FBXW7: variants seen among roughly 807,000 people sequenced by gnomAD.
FBXW7 encodes F-box and WD repeat domain containing 7.
A neutral mutation model predicts 86.3 loss-of-function variants in FBXW7; 11 were observed. The observed-to-expected ratio is 0.13, with a 90% CI of 0.08 to 0.21. FBXW7 has a LOEUF of 0.21. FBXW7 is among the 10% of genes least tolerant of loss of function. The probability of loss-of-function intolerance (pLI) is 1.00; values close to 1 mark genes in which losing one functional copy is unlikely to be tolerated. For missense variants in FBXW7, 488 were observed against 847.4 expected (o/e 0.58, Z 5.27); for synonymous variants, 313 against 297.9 (o/e 1.05, Z -0.52).
intron 2 of FBXW7, among the ~76,000 whole-genome samples, chr4:152,476,368 T>C (rs1174054526): frequency 2.0e-5 from 3 of 152,042 alleles, no homozygotes; most frequent in Non-Finnish European, 4.4e-5. Context: ...AGACACAAAA[T>C]AATAAAACAT....
chr4:152,382,257 G>A (rs765224071), intron 4 of FBXW7: 4 of 1,606,118 alleles, frequency 2.5e-6, no homozygotes, highest in Admixed American at 3.4e-5. Context: ...ACAGTTTGAT[G>A]TGGTAGAGGC....
intron 2 of FBXW7, among the ~76,000 whole-genome samples, chr4:152,447,359 T>G (rs545084158): frequency 1.3e-5 from 2 of 152,310 alleles, no homozygotes; most frequent in Admixed American, 6.5e-5. Context: ...TATAAAACAC[T>G]TTACATGAGG....
chr4:152,332,594 A>ACCCT lies in FBXW7; in HGVS notation c.983_985+1dup. 6.3e-7 allele frequency: 1 copy of ACCCT among 1,577,502 alleles called. No homozygotes were observed. The highest frequency in any genetic ancestry group is 8.6e-7 in the Non-Finnish European group (1 of 1,156,524). On this transcript the variant is annotated splice_donor_variant, in intron 8 of 13. Coordinates refer to ENST00000281708, the MANE Select transcript of FBXW7 (RefSeq NM_001349798.2). LOFTEE classifies it high-confidence loss of function. ...TATTCTCTATGCAATTTTGAACCTTACCCTCTTCTTTGCATTTCTCTCTCC... is the reference window on the plus strand; with the variant it reads ...TATTCTCTATGCAATTTTGAACCTTACCCTCCCTCTTCTTTGCATTTCTCTCTCC...
chr4:152,341,695 G>C (rs1423596490), intron 6 of FBXW7, among the ~76,000 whole-genome samples: 1 of 152,100 alleles, frequency 6.6e-6, no homozygotes, highest in Non-Finnish European at 1.5e-5. Flanking sequence ...ACTAGGACTT[G>C]CTTGCTTATT....
chr4:152,386,690 A>C (rs999660714), intron 4 of FBXW7, among the ~76,000 whole-genome samples: 1 of 152,156 alleles, frequency 6.6e-6, no homozygotes, highest in Non-Finnish European at 1.5e-5. Context: ...TTGGCATTTT[A>C]AGATTCCAGA....
At chr4:152,326,335 T>A in intron 11 of FBXW7, 104 bp from the exon 12 acceptor site, 18 of 142,512 alleles carry the variant, frequency 1.3e-4, no homozygotes, top group Non-Finnish European at 2.1e-4. Context: ...GTTTTTTAGC[T>A]TTTTTTTTTT....
chr4:152,449,595 A>G (rs1407422226), intron 2 of FBXW7, among the ~76,000 whole-genome samples: 4 of 152,214 alleles, frequency 2.6e-5, no homozygotes, highest in East Asian at 1.9e-4. Context: ...ACTGACCACA[A>G]GTAAAAAGCC....
At chr4:152,530,804 C>A (rs1462572308) in intron 2 of FBXW7, 3 of 152,238 alleles carry the variant, frequency 2.0e-5, no homozygotes, top group African/African-American at 7.2e-5. Flanking sequence ...CCAATTGGAG[C>A]ACGGCAACAT....
intron 2 of FBXW7, among the ~76,000 whole-genome samples, chr4:152,484,961 C>CAAA (rs369258930): frequency 0.014 from 1,438 of 102,868 alleles, 20 homozygotes; most frequent in Middle Eastern, 0.038. Context: ...GACTCTGTCT[C>CAAA]AAAAAAAAAA....
chr4:152,366,999 C>A (rs776952308), intron 4 of FBXW7, among the ~76,000 whole-genome samples: 4 of 152,044 alleles, frequency 2.6e-5, no homozygotes, highest in Non-Finnish European at 4.4e-5. Context: ...AGATGGAAAC[C>A]ATCACTCTGA....
chr4:152,345,620 A>C (rs974353715), intron 6 of FBXW7, among the ~76,000 whole-genome samples: 32 of 152,240 alleles, frequency 2.1e-4, no homozygotes, highest in Non-Finnish European at 4.1e-4. Context: ...GGGAAAAACT[A>C]ATCCCTGTTG....
chr4:152,437,021 C>A (rs974194840), intron 2 of FBXW7, among the ~76,000 whole-genome samples: 2 of 152,210 alleles, frequency 1.3e-5, no homozygotes, highest in African/African-American at 4.8e-5. Flanking sequence ...GTCATTTCTA[C>A]TTTCCAGTCT....
At chr4:152,414,461 C>A (rs980944833) in intron 2 of FBXW7, among the ~76,000 whole-genome samples, 1 of 152,100 alleles carries the variant, frequency 6.6e-6, no homozygotes, top group African/African-American at 2.4e-5. Context: ...TTGTGATACT[C>A]TGCACAGTAT....
At position 152,386,431 on chromosome 4, in the gene FBXW7, G is replaced by A. The variant is rs147086208; in HGVS notation, c.501+24872C>T. Among the ~76,000 whole-genome samples the A allele has an allele frequency of 1.5e-3, 227 of 151,982 alleles. 1 individual carries two copies. The highest frequency in any genetic ancestry group is 5.3e-3 in the African/African-American group (218 of 41,460). On this transcript the variant is annotated intron_variant, in intron 4 of 13. Transcript: ENST00000281708. ...AACGCCTCACATCTAGTAAGTGTTC[G>A]ATAGTGTTAATTAAACTGTCATTAT...
intron 2 of FBXW7, among the ~76,000 whole-genome samples, chr4:152,517,770 T>C (rs1395991274): frequency 6.6e-6 from 1 of 152,220 alleles, no homozygotes; most frequent in Admixed American, 6.5e-5. Flanking sequence ...ATCGATATTA[T>C]TTGTATAGTG....
chr4:152,371,494 G>A (rs560504818), intron 4 of FBXW7, among the ~76,000 whole-genome samples: 2 of 151,918 alleles, frequency 1.3e-5, no homozygotes, highest in East Asian at 1.9e-4. Flanking sequence ...TTTGAAAACC[G>A]GCAGATTATA....
intron 6 of FBXW7, among the ~76,000 whole-genome samples, chr4:152,339,586 C>T (rs758110224): frequency 6.6e-6 from 1 of 152,110 alleles, no homozygotes; most frequent in Non-Finnish European, 1.5e-5. Flanking sequence ...ATAGACAATG[C>T]ATGGACACTA....
intron 4 of FBXW7, among the ~76,000 whole-genome samples, chr4:152,379,355 T>A (rs1463050609): frequency 6.6e-6 from 1 of 152,218 alleles, no homozygotes; most frequent in Non-Finnish European, 1.5e-5. Context: ...AGGCTTTTTT[T>A]AGTTAAAAAT....
intron 2 of FBXW7, among the ~76,000 whole-genome samples, chr4:152,509,479 C>A (rs1233648438): frequency 6.6e-6 from 1 of 152,100 alleles, no homozygotes. Context: ...AAGCTAGTCT[C>A]GTCTCCTGTT....
Sources: allele counts gnomAD v4.1 joint callset (sites outside exome capture counted in the v4.1 genomes callset), GRCh38; gene constraint gnomAD v4.1.1; transcripts MANE v1.5; gene names NCBI Gene and HGNC (gene_info 2026-07-23, HGNC 2026-07-21).